Variants in ARMH3 observed in about 807,000 individuals in gnomAD.
The protein encoded by ARMH3 is armadillo like helical domain containing 3.
Under a neutral mutation model 99.1 loss-of-function variants are expected in ARMH3, and 60 were observed. The observed-to-expected ratio is 0.61, with a 90% confidence interval of 0.49 to 0.75. The LOEUF (loss-of-function observed/expected upper bound fraction) is 0.75. Among genes scored for constraint, ARMH3 ranks in the 30% least tolerant of loss-of-function variants. The probability of loss-of-function intolerance (pLI) is 0.00; values close to 1 mark genes in which losing one functional copy is unlikely to be tolerated. For synonymous variants in ARMH3, 285 were observed against 292.8 expected (o/e 0.97, Z 0.27); for missense variants, 679 against 843.1 (o/e 0.81, Z 2.41).
At chr10:101,920,856 C>A (rs1046468037) in intron 23 of ARMH3, among the ~76,000 whole-genome samples, 1 of 152,050 alleles carries the variant, frequency 6.6e-6, no homozygotes, top group Non-Finnish European at 1.5e-5. Context: ...CATGGATGAA[C>A]CCTGAGGATA....
At chr10:101,870,159 C>T (rs2067101116) in intron 24 of ARMH3, among the ~76,000 whole-genome samples, 1 of 152,222 alleles carries the variant, frequency 6.6e-6, no homozygotes, top group Non-Finnish European at 1.5e-5. Flanking sequence ...ACACACATTA[C>T]TCATATCATG....
intron 6 of ARMH3, among the ~76,000 whole-genome samples, chr10:102,024,867 G>A (rs1436865740): frequency 1.3e-5 from 2 of 151,124 alleles, no homozygotes; most frequent in African/African-American, 4.9e-5. Context: ...ATTTCCAAAT[G>A]AGACCTGATA....
At chr10:101,983,185 T>G (rs776438355) in intron 19 of ARMH3, among the ~76,000 whole-genome samples, 1 of 152,240 alleles carries the variant, frequency 6.6e-6, no homozygotes, top group Non-Finnish European at 1.5e-5. Context: ...GACCAAGGCA[T>G]GATTAGCGAG....
At chr10:101,999,856 G>A (rs1275377470) in intron 15 of ARMH3, among the ~76,000 whole-genome samples, 1 of 152,064 alleles carries the variant, frequency 6.6e-6, no homozygotes, top group East Asian at 1.9e-4. Flanking sequence ...AGGCTGAGGT[G>A]GGCGGATCAC....
chr10:102,027,875 G>C (rs1445660739), intron 5 of ARMH3, among the ~76,000 whole-genome samples: 1 of 151,590 alleles, frequency 6.6e-6, no homozygotes, highest in Non-Finnish European at 1.5e-5. Context: ...TAAATTTAAT[G>C]AGTGACAGAA....
chr10:101,853,625 G>A (rs1564690135), intron 24 of ARMH3, among the ~76,000 whole-genome samples: 1 of 152,160 alleles, frequency 6.6e-6, no homozygotes, highest in South Asian at 2.1e-4. Flanking sequence ...CTACGCCCCC[G>A]CAAGCACAAG....
At chr10:102,022,801 C>T (rs781536533) in intron 8 of ARMH3, among the ~76,000 whole-genome samples, 294 of 151,216 alleles carry the variant, frequency 1.9e-3, no homozygotes, top group Non-Finnish European at 3.1e-3. Context: ...AGGATGGTCT[C>T]GATCTCCTGA....
intron 24 of ARMH3, among the ~76,000 whole-genome samples, chr10:101,860,789 T>C (rs1001440359): frequency 6.6e-6 from 1 of 152,150 alleles, no homozygotes; most frequent in African/African-American, 2.4e-5. Flanking sequence ...GATGCCACAA[T>C]AGTTACACCC....
At chr10:101,850,158 C>T (rs576689833) in intron 24 of ARMH3, among the ~76,000 whole-genome samples, 11 of 133,660 alleles carry the variant, frequency 8.2e-5, no homozygotes, top group Non-Finnish European at 9.2e-5. Flanking sequence ...AGTACAGTGA[C>T]GTGATCTCAG....
intron 13 of ARMH3, among the ~76,000 whole-genome samples, chr10:102,009,132 C>T (rs560355724): frequency 6.6e-6 from 1 of 152,106 alleles, no homozygotes; most frequent in Non-Finnish European, 1.5e-5. Flanking sequence ...TTTGGGTTAA[C>T]AGGATCAATA....
At chr10:101,981,882 G>T (rs1014794030) in intron 19 of ARMH3, among the ~76,000 whole-genome samples, 1 of 151,912 alleles carries the variant, frequency 6.6e-6, no homozygotes, top group Non-Finnish European at 1.5e-5. Flanking sequence ...AGCTGGGCGC[G>T]GTGGTGGGTG....
chr10:101,956,208 C>T (rs563390416), intron 22 of ARMH3, among the ~76,000 whole-genome samples: 2 of 152,292 alleles, frequency 1.3e-5, no homozygotes, highest in Admixed American at 1.3e-4. Context: ...CATAGGTACA[C>T]TAAGATTCCT....
chr10:101,872,567 C>T (rs2067156364), intron 24 of ARMH3, among the ~76,000 whole-genome samples: 19 of 151,746 alleles, frequency 1.3e-4, no homozygotes, highest in Admixed American at 1.2e-3. Context: ...CGTGGTGGCA[C>T]GCACCTGTGG....
intron 1 of ARMH3, among the ~76,000 whole-genome samples, chr10:102,046,321 GAGAA>G (rs1468385354): frequency 6.8e-6 from 1 of 148,148 alleles, no homozygotes. Flanking sequence ...AGAAAAGAGA[GAGAA>G]AGAGAAAAGA....
chr10:101,980,457 C>T (rs369359138), intron 19 of ARMH3, among the ~76,000 whole-genome samples: 115 of 152,206 alleles, frequency 7.6e-4, no homozygotes, highest in Non-Finnish European at 1.0e-3. Flanking sequence ...TGCCACCATG[C>T]CTGGCTGATT....
intron 24 of ARMH3, among the ~76,000 whole-genome samples, chr10:101,871,988 A>G (rs1261839038): frequency 6.6e-6 from 1 of 152,036 alleles, no homozygotes; most frequent in African/African-American, 2.4e-5. Context: ...CGACAGAGTA[A>G]GACTCTCAAA....
At chr10:101,872,086 T>C (rs2067143449) in intron 24 of ARMH3, among the ~76,000 whole-genome samples, 1 of 151,988 alleles carries the variant, frequency 6.6e-6, no homozygotes, top group African/African-American at 2.4e-5. Context: ...GCATGACTCC[T>C]TTAAAAAGTA....
chr10:101,992,336 A>G (rs902930955), intron 17 of ARMH3, among the ~76,000 whole-genome samples: 5 of 152,168 alleles, frequency 3.3e-5, no homozygotes, highest in Non-Finnish European at 7.4e-5. Flanking sequence ...TTTTAGTTAT[A>G]TAAGTGGCAT....
chr10:101,930,093 T>G (rs1049635041), intron 23 of ARMH3, among the ~76,000 whole-genome samples: 1 of 152,144 alleles, frequency 6.6e-6, no homozygotes, highest in Non-Finnish European at 1.5e-5. Flanking sequence ...GCAAACTGAG[T>G]CCTGCAAAAT....
Sources: allele counts gnomAD v4.1 joint callset (sites outside exome capture counted in the v4.1 genomes callset), GRCh38; gene constraint gnomAD v4.1.1; transcripts MANE v1.5; gene names NCBI Gene and HGNC (gene_info 2026-07-23, HGNC 2026-07-21).